The following GANC variants were observed in gnomAD, a reference collection of about 807,000 sequenced individuals.
GANC encodes neutral alpha-glucosidase C.
In GANC, 117 loss-of-function variants were observed where a neutral mutation model predicts 124.2. The ratio of observed to expected loss-of-function variants is 0.94; its 90% CI spans 0.81 to 1.10. The LOEUF (loss-of-function observed/expected upper bound fraction) is 1.10, where lower values mean the gene tolerates loss of function less well. Ranked by LOEUF, GANC falls within the 50% of genes least tolerant of loss-of-function variation. GANC has a pLI of 0.00. For synonymous variants in GANC, 377 were observed against 376.8 expected, an observed-to-expected ratio of 1.00 and a Z score of -0.01; for missense variants, 1,140 against 1,095.0, an observed-to-expected ratio of 1.04 and a Z score of -0.58.
At chr15:42,330,478 C>G in intron 14 of GANC, 98 bp from the exon 15 acceptor site, 1 of 753,870 alleles carries the variant, frequency 1.3e-6, no homozygotes, top group Non-Finnish European at 2.3e-6. Context: ...ATTTCATGCT[C>G]CTGCCTACTG....
intron 4 of GANC, among the ~76,000 whole-genome samples, chr15:42,290,414 A>G (rs1050467307): frequency 6.6e-6 from 1 of 152,240 alleles, no homozygotes; most frequent in African/African-American, 2.4e-5. Context: ...CTGCAGGTAC[A>G]TATAGCTGAA....
At chr15:42,334,952 C>T (rs2052273193) in intron 15 of GANC, among the ~76,000 whole-genome samples, 1 of 152,026 alleles carries the variant, frequency 6.6e-6, no homozygotes, top group Non-Finnish European at 1.5e-5. Flanking sequence ...TAATAACGAG[C>T]TCCAAAATTG....
chr15:42,339,981 A>T (rs1026666923), intron 17 of GANC, 69 bp downstream of exon 17: 2 of 1,507,016 alleles, frequency 1.3e-6, no homozygotes, highest in Non-Finnish European at 9.0e-7. Flanking sequence ...GTGATTAAAG[A>T]ATGCAATAAT....
intron 10 of GANC, among the ~76,000 whole-genome samples, chr15:42,312,866 C>T (rs2052065738): frequency 1.3e-5 from 2 of 148,988 alleles, no homozygotes; most frequent in African/African-American, 5.0e-5. Flanking sequence ...ACCCACAAGG[C>T]GAGGTGGAGG....
Position 42,273,259 on chromosome 15 carries a change from G to C in GANC, c.-1223G>C, listed in dbSNP as rs748226584. The stretch of plus-strand genomic sequence containing the variant: ...GTTAGTGAAGTGAATACTCACCGAC[G>C]GTATCGGAATGTGCCATTTGGACCG... On this transcript the variant is annotated 5_prime_UTR_variant, in exon 1 of 24. Transcript: ENST00000318010. The C allele has an allele frequency of 2.5e-6, 4 of 1,614,062 alleles. No homozygotes were observed. Among genetic ancestry groups the C allele is most frequent in the Non-Finnish European group, 3.4e-6 (4 of 1,180,016 alleles).
intron 20 of GANC, among the ~76,000 whole-genome samples, chr15:42,346,368 C>T (rs1448798487): frequency 6.6e-6 from 1 of 152,112 alleles, no homozygotes; most frequent in African/African-American, 2.4e-5. Context: ...GTTAAGGAGT[C>T]ATGGGGAATG....
At chr15:42,299,947 T>A (rs1283339821) in intron 6 of GANC, among the ~76,000 whole-genome samples, 1 of 152,178 alleles carries the variant, frequency 6.6e-6, no homozygotes, top group Non-Finnish European at 1.5e-5. Flanking sequence ...TCCATATGCC[T>A]TATACAAAAA....
chr15:42,273,282 C>T lies in GANC; in HGVS notation c.-1200C>T, dbSNP rs776059456. 6 of 1,614,034 alleles carry T rather than the reference C, an allele frequency of 3.7e-6. No individual in the cohort carries two copies. The African/African-American group carries it at 4.0e-5, about 11-fold the overall frequency. ...ACGGTATCGGAATGTGCCATTTGGA[C>T]CGGTCGGCAGCAGCTACGGTTGCCG... is the stretch of plus-strand genomic sequence containing the variant. On this transcript the variant is annotated 5_prime_UTR_variant, in exon 1 of 24. Coordinates refer to ENST00000318010, the MANE Select transcript of GANC (RefSeq NM_198141.3).
At chr15:42,298,101 T>G (rs1335013049) in intron 6 of GANC, among the ~76,000 whole-genome samples, 1 of 152,042 alleles carries the variant, frequency 6.6e-6, no homozygotes, top group African/African-American at 2.4e-5. Context: ...GGAAATAATG[T>G]TAAAGCCGAA....
At chr15:42,291,958 C>T (rs1487184096) in intron 4 of GANC, among the ~76,000 whole-genome samples, 1 of 152,128 alleles carries the variant, frequency 6.6e-6, no homozygotes, top group Non-Finnish European at 1.5e-5. Context: ...CCATGGAGGA[C>T]TGAAAAGACA....
intron 6 of GANC, among the ~76,000 whole-genome samples, chr15:42,301,425 G>C (rs1469739445): frequency 2.6e-5 from 4 of 151,964 alleles, no homozygotes. Context: ...CTGGGTGGCT[G>C]TTTGGGCAGA....
chr15:42,353,488 G>T lies in GANC; in HGVS notation c.*1349G>T. On this transcript the variant is annotated 3_prime_UTR_variant, in exon 24 of 24. Transcript: ENST00000318010. ...CTGTGCTCTACTTAGCATTCTCAGGGATCATACCTTAATGTTTTCAGTATG... is the reference window on the plus strand; with the variant it reads ...CTGTGCTCTACTTAGCATTCTCAGGTATCATACCTTAATGTTTTCAGTATG... The T allele has an allele frequency of 1.1e-6, 1 of 938,420 alleles. No individual in the cohort carries two copies. The highest frequency in any genetic ancestry group is 1.3e-6 in the Non-Finnish European group (1 of 787,574). The allele number at this position is 938,420 out of a possible 1,614,324, so 58.1% of individuals were successfully genotyped here.
At chr15:42,274,610 G>C in intron 1 of GANC, 100 bp downstream of exon 1, 1 of 1,173,816 alleles carries the variant, frequency 8.5e-7, no homozygotes. Flanking sequence ...GGTATTTGCT[G>C]ACCTTTATCT....
intron 17 of GANC, among the ~76,000 whole-genome samples, chr15:42,340,456 T>G (rs995343353): frequency 6.6e-6 from 1 of 151,846 alleles, no homozygotes; most frequent in African/African-American, 2.4e-5. Context: ...ATACAAAAAT[T>G]AGCTGGGCGT....
At chr15:42,326,256 A>T (rs1272982621) in intron 11 of GANC, 42 bp from the exon 12 acceptor site, 9 of 1,404,614 alleles carry the variant, frequency 6.4e-6, no homozygotes, top group Non-Finnish European at 8.0e-6. Flanking sequence ...CATTTGTCTT[A>T]CATAAAACTG....
intron 4 of GANC, among the ~76,000 whole-genome samples, chr15:42,288,212 C>T (rs73403365): frequency 2.6e-5 from 4 of 152,078 alleles, no homozygotes; most frequent in African/African-American, 4.8e-5. Context: ...AGATCTAATA[C>T]GCTAGCCAAA....
In GANC at chr15:42,340,709, C is replaced by G. The variant is rs764988712; in HGVS notation, c.2107C>G (p.Pro703Ala). The G allele has an allele frequency of 6.2e-7, 1 of 1,607,180 alleles. No homozygotes were observed. Among genetic ancestry groups the G allele is most frequent in the South Asian group, 1.1e-5 (1 of 90,068 alleles). ...CCCCAGGCCTCTGTGGGTAGAGTTC[C>G]CTGATGAACTAAAGACTTTTGATAT... ...PVMRPLWVEF[P>A]DELKTFDMED... The change falls in exon 18 of 24, where the codon CCT becomes GCT. Residue 703 changes from proline to alanine, a missense_variant. Physicochemically the swap from Pro to Ala is conservative, Grantham distance 27. Coordinates refer to ENST00000318010, the MANE Select transcript of GANC (RefSeq NM_198141.3).
At chr15:42,350,575 G>A (rs1474493047) in intron 22 of GANC, among the ~76,000 whole-genome samples, 5 of 129,090 alleles carry the variant, frequency 3.9e-5, no homozygotes, top group East Asian at 2.2e-4. Flanking sequence ...TTTTTGAGAC[G>A]GAGTTTTGCT....
rs757179415 is a variant in GANC at position 42,339,865 on chromosome 15, G to T, written c.2040G>T (p.Trp680Cys). ...AGCGCTATGGCCTCCTGCCATATTG[G>T]TATTCTCTGTTCTACCATGCACACG... ...IRERYGLLPY[W>C]YSLFYHAHVA... Residue 680 changes from tryptophan (W) to cysteine (C), a missense_variant, in exon 17 of 24, where the codon TGG (tryptophan) becomes TGT (cysteine). Transcript: ENST00000318010. The T allele has an allele frequency of 1.3e-5, 21 of 1,614,008 alleles. No individual in the cohort carries two copies. The highest frequency in any genetic ancestry group is 2.2e-5 in the South Asian group (2 of 91,088).
Sources: gnomAD v4.1 joint callset for allele counts (sites outside exome capture counted in the v4.1 genomes callset) on GRCh38, gnomAD v4.1.1 for gene constraint, MANE v1.5 for transcripts, NCBI Gene and HGNC (gene_info 2026-07-23, HGNC 2026-07-21) for gene names.